HNRNPA3: variants seen among roughly 807,000 people sequenced by gnomAD.
HNRNPA3 encodes the protein epididymis secretory sperm binding protein.
Under a neutral mutation model 45.8 loss-of-function variants are expected in HNRNPA3, and 3 were observed. The observed-to-expected ratio is 0.07, with a 90% CI of 0.03 to 0.17. The LOEUF is 0.17. HNRNPA3 is among the 10% of genes least tolerant of loss of function. The pLI is 1.00. For synonymous variants in HNRNPA3, 170 were observed against 155.6 expected, an observed-to-expected ratio of 1.09 and a Z score of -0.69; for missense variants, 183 against 480.3, an observed-to-expected ratio of 0.38 and a Z score of 5.79.
intron 1 of HNRNPA3, among the ~76,000 whole-genome samples, chr2:177,213,837 A>G (rs1435419800): frequency 6.6e-6 from 1 of 152,274 alleles, no homozygotes; most frequent in Non-Finnish European, 1.5e-5. Context: ...GACTGCAACC[A>G]GAGTTGAAAT....
exon 3 of HNRNPA3, chr2:177,215,855 G>T (rs1477605095): frequency 6.2e-7 from 1 of 1,605,404 alleles, no homozygotes; most frequent in Non-Finnish European, 8.5e-7. Flanking sequence ...ACACAAGGTT[G>T]ATGGGCGTGT....
At chr2:177,223,622 A>G (rs1408537075), downstream of HNRNPA3, 1 of 152,264 alleles carries the variant, frequency 6.6e-6, no homozygotes, top group Admixed American at 6.5e-5. Context: ...GAAACCTGAC[A>G]GTATCTTGGG....
At chr2:177,222,264 G>A (rs969020900), downstream of HNRNPA3, 10 of 152,240 alleles carry the variant, frequency 6.6e-5, no homozygotes, top group Admixed American at 6.6e-4. Context: ...AAACTACCTT[G>A]GTACCATGTC....
chr2:177,218,063 T>TTTC (rs1219620102), intron 8 of HNRNPA3, among the ~76,000 whole-genome samples: 7 of 16,470 alleles, frequency 4.3e-4, no homozygotes, highest in Non-Finnish European at 2.0e-3. Context: ...TTTTTTTTTT[T>TTTC]TTTTTTTTTT....
rs536802600 is a variant in HNRNPA3, at chr2:177,217,852, A to C, written c.961+7A>C. 4.5e-5 allele frequency: 71 copies of C among 1,560,672 alleles called. No individual in the cohort carries two copies. The South Asian group carries it at 8.3e-4, about 18-fold the overall frequency. On this transcript the variant is annotated splice_region_variant and intron_variant, in intron 8 of 10. Coordinates refer to ENST00000392524, the Ensembl canonical transcript of HNRNPA3. ...GGAGGAAATTTTGGCGGTGGTAAGC[A>C]TTCACTTGTTTTATTTAAATGTTAA...
intron 7 of HNRNPA3, 89 bp from the exon 8 acceptor site, chr2:177,217,616 G>A: frequency 6.6e-7 from 1 of 1,520,110 alleles, no homozygotes; most frequent in Non-Finnish European, 9.1e-7. Context: ...AACAGAGCAA[G>A]ACCCAGTCTC....
chr2:177,215,405 T>C (rs1452557405), intron 1 of HNRNPA3, 134 bp from the exon 2 acceptor site: 11 of 961,620 alleles, frequency 1.1e-5, no homozygotes, highest in African/African-American at 3.3e-5. Flanking sequence ...CTGGTCAAAG[T>C]TTTAACTGGA....
intron 8 of HNRNPA3, 152 bp from the exon 9 acceptor site, chr2:177,218,885 A>C: frequency 1.2e-6 from 1 of 847,992 alleles, no homozygotes; most frequent in Middle Eastern, 3.7e-4. Context: ...ATGGTCTTTT[A>C]ATATCCTGAC....
At chr2:177,219,859 TAAC>T (rs1689114120) in exon 11 of HNRNPA3, 1 of 152,720 alleles carries the variant, frequency 6.5e-6, no homozygotes, top group African/African-American at 2.4e-5. Context: ...CCTTGTGAGT[TAAC>T]AAGTAAAGAA....
At chr2:177,215,019 G>A (rs1688869892) in intron 1 of HNRNPA3, among the ~76,000 whole-genome samples, 1 of 152,180 alleles carries the variant, frequency 6.6e-6, no homozygotes, top group Non-Finnish European at 1.5e-5. Flanking sequence ...AAGTGATGCT[G>A]GCATTTGAAA....
At chr2:177,215,188 C>T (rs904021534) in intron 1 of HNRNPA3, among the ~76,000 whole-genome samples, 1 of 152,026 alleles carries the variant, frequency 6.6e-6, no homozygotes, top group Non-Finnish European at 1.5e-5. Context: ...CCGCAACCTC[C>T]GCCTCCTGGG....
intron 1 of HNRNPA3, among the ~76,000 whole-genome samples, chr2:177,214,074 C>T (rs774730768): frequency 2.0e-5 from 3 of 152,098 alleles, no homozygotes; most frequent in African/African-American, 4.8e-5. Context: ...AATGTGAGCC[C>T]CTTATTTAAG....
chr2:177,216,395 TA>T, intron 4 of HNRNPA3, 107 bp from the exon 5 acceptor site: 2 of 804,582 alleles, frequency 2.5e-6, no homozygotes, highest in South Asian at 1.7e-5. Context: ...CCAGAGTCAC[TA>T]CCTGATTATG....
chr2:177,219,223 T>C, intron 9 of HNRNPA3, 24 bp from the exon 10 acceptor site: 5 of 1,612,064 alleles, frequency 3.1e-6, no homozygotes, highest in Non-Finnish European at 4.2e-6. Context: ...CATACTTCTT[T>C]TAAAATACTA....
chr2:177,216,822 G>A (rs1235294377), intron 6 of HNRNPA3, 38 bp from the exon 7 acceptor site: 4 of 1,613,192 alleles, frequency 2.5e-6, no homozygotes, highest in Non-Finnish European at 2.5e-6. Flanking sequence ...TTGGTAAGTT[G>A]AATATATTAT....
chr2:177,219,205 A>T (rs1354990778), intron 9 of HNRNPA3, 42 bp from the exon 10 acceptor site: 1 of 1,610,306 alleles, frequency 6.2e-7, no homozygotes, highest in Admixed American at 1.7e-5. Context: ...TTTAATTTAA[A>T]AAATGTGCAT....
At chr2:177,221,673 G>C (rs1169352234), downstream of HNRNPA3, 1 of 152,676 alleles carries the variant, frequency 6.5e-6, no homozygotes, top group East Asian at 1.9e-4. Flanking sequence ...TTTAAGCACA[G>C]TGTGGATCAC....
intron 7 of HNRNPA3, among the ~76,000 whole-genome samples, 172 bp downstream of exon 7, chr2:177,217,112 G>A (rs1688975640): frequency 6.6e-6 from 1 of 152,166 alleles, no homozygotes; most frequent in Non-Finnish European, 1.5e-5. Context: ...AGAGACATTA[G>A]CTGCTCTTTT....
intron 10 of HNRNPA3, 29 bp downstream of exon 10, chr2:177,219,343 G>A (rs776285333): frequency 4.7e-6 from 7 of 1,496,526 alleles, no homozygotes; most frequent in Non-Finnish European, 5.5e-6. Context: ...TTATTATGAT[G>A]ATAAAAGAAT....
Sources: gnomAD v4.1 joint callset for allele counts (sites outside exome capture counted in the v4.1 genomes callset) on GRCh38, gnomAD v4.1.1 for gene constraint, MANE v1.5 for transcripts, NCBI Gene and HGNC (gene_info 2026-07-23, HGNC 2026-07-21) for gene names.